Variants in SLC15A5 observed in about 807,000 individuals in gnomAD.
SLC15A5 encodes the protein solute carrier family 15 member 5.
Under a neutral mutation model 56.1 loss-of-function variants are expected in SLC15A5, and 58 were observed. The ratio of observed to expected loss-of-function variants is 1.03; its 90% CI spans 0.84 to 1.29. SLC15A5 has a LOEUF of 1.29. SLC15A5 is among the 50% of genes most tolerant of loss of function. SLC15A5 has a pLI of 0.00. For missense variants in SLC15A5, 681 were observed against 672.1 expected, an observed-to-expected ratio of 1.01 and a Z score of -0.15; for synonymous variants, 264 against 250.5, an observed-to-expected ratio of 1.05 and a Z score of -0.51.
chr12:16,275,739 C>A lies in SLC15A5; in HGVS notation c.361+1586G>T, dbSNP rs113310871. ...ACTTAAGTCTTTTGTTTGCCAGATT[C>A]CAAAGTTGGGATTTCCATCCTGTCT... On this transcript the variant is annotated intron_variant, in intron 1 of 8. Coordinates refer to ENST00000344941, the MANE Select transcript of SLC15A5 (RefSeq NM_001170798.1). Among the ~76,000 whole-genome samples the A allele has an allele frequency of 6.7e-3, 1,017 of 152,038 alleles. 15 individuals are homozygous for A. The highest frequency in any genetic ancestry group is 0.024 in the African/African-American group (976 of 41,496).
rs1864434372 is a variant in SLC15A5, at chr12:16,243,604, TG to T, written c.975+975del. Among the ~76,000 whole-genome samples the T allele has an allele frequency of 6.6e-6, 1 of 152,170 alleles. No individual in the cohort carries two copies. Among genetic ancestry groups the T allele is most frequent in the African/African-American group, 2.4e-5 (1 of 41,434 alleles). On this transcript the variant is annotated intron_variant, in intron 4 of 8. Coordinates refer to ENST00000344941, the MANE Select transcript of SLC15A5 (RefSeq NM_001170798.1). The surrounding 1 kb of genome is among the most constrained non-coding windows in gnomAD (Gnocchi z 4.4). ...GTAAAAATCTTCTTAGCTTACAGGA[TG>T]TACAAAAATAGTGGACTGGATTTGG...
Position 16,243,500 on chromosome 12 carries a change from C to T in SLC15A5, c.975+1080G>A, listed in dbSNP as rs868145171. Among the ~76,000 whole-genome samples, 18 of 152,150 alleles carry T rather than the reference C, an allele frequency of 1.2e-4. No individual in the cohort carries two copies. Among genetic ancestry groups the T allele is most frequent in the South Asian group, 4.1e-4 (2 of 4,822 alleles). On this transcript the variant is annotated intron_variant, in intron 4 of 8. Transcript: ENST00000344941. This position sits in a 1 kb window ranked among gnomAD's most constrained non-coding sequence, Gnocchi z 4.4. ...CTGGGATTACAGGTGTAAGCCACCA[C>T]GCTGGGCTAAATTTTATATAATTTT...
intron 7 of SLC15A5, among the ~76,000 whole-genome samples, chr12:16,202,534 C>T (rs1863967980): frequency 6.6e-6 from 1 of 152,062 alleles, no homozygotes; most frequent in African/African-American, 2.4e-5. Flanking sequence ...AGCAGTATGG[C>T]GGTACCTCAG....
At chr12:16,256,054 TA>T (rs1455638824) in intron 3 of SLC15A5, among the ~76,000 whole-genome samples, 2 of 152,132 alleles carry the variant, frequency 1.3e-5, no homozygotes, top group African/African-American at 4.8e-5. Context: ...TTAAAATACA[TA>T]AAAAATGCTT....
In SLC15A5 at chr12:16,244,658, A is replaced by G. The variant is rs916133382; in HGVS notation, c.897T>C (p.His299=). 6.4e-5 allele frequency: 98 copies of G among 1,537,490 alleles called. No individual in the cohort carries two copies. Among genetic ancestry groups the G allele is most frequent in the Middle Eastern group, 1.7e-4 (1 of 6,014 alleles). ...EKNGGCYSEL[H]VEDTTFFLTL... is the part of the protein sequence containing the mutation. ...TGAGGAAAAATGTTGTGTCTTCTAC[A>G]TGGAGCTCACTGTAGCAGCCACCAT... Residue 299 remains histidine (H), a synonymous_variant, in exon 4 of 9, where the codon CAT becomes CAC. Transcript: ENST00000344941.
At chr12:16,217,481 TATTAA>T (rs1179100352) in intron 6 of SLC15A5, among the ~76,000 whole-genome samples, 1 of 152,170 alleles carries the variant, frequency 6.6e-6, no homozygotes, top group East Asian at 1.9e-4. Context: ...GACAAGATAG[TATTAA>T]AATACCATGT....
intron 5 of SLC15A5, among the ~76,000 whole-genome samples, chr12:16,231,618 T>C (rs1054003398): frequency 6.6e-6 from 1 of 152,160 alleles, no homozygotes. Context: ...AACAGTGAAA[T>C]TGTCAAGTCT....
At chr12:16,212,955 A>T (rs1267923790) in intron 7 of SLC15A5, among the ~76,000 whole-genome samples, 1 of 152,188 alleles carries the variant, frequency 6.6e-6, no homozygotes, top group African/African-American at 2.4e-5. Context: ...AAATTAAAAA[A>T]AGTTTCAAAT....
rs1421847207 is a variant in SLC15A5 at position 16,267,212 on chromosome 12, G to A, written c.584+5349C>T. ...ATTAGTGTACCATTTAAATATTCCA[G>A]AGAAAGTATTTTATTCGACATTGAT... On this transcript the variant is annotated intron_variant, in intron 2 of 8. Transcript: ENST00000344941. Among the ~76,000 whole-genome samples the A allele has an allele frequency of 6.3e-5, 3 of 47,766 alleles. 1 individual carries two copies. Among genetic ancestry groups the A allele is most frequent in the African/African-American group, 2.6e-4 (3 of 11,550 alleles). 31.3% of individuals were successfully genotyped at this position (47,766 alleles called of 152,430 possible). A position where few individuals can be genotyped will look rare whatever the true frequency, so the allele number is the denominator to read the frequency against.
intron 7 of SLC15A5, among the ~76,000 whole-genome samples, chr12:16,200,685 G>A (rs1863946552): frequency 6.6e-6 from 1 of 151,990 alleles, no homozygotes; most frequent in African/African-American, 2.4e-5. Flanking sequence ...CAATATCAAA[G>A]TATTTAGAAA....
intron 3 of SLC15A5, among the ~76,000 whole-genome samples, chr12:16,246,591 A>G (rs1864463740): frequency 6.6e-6 from 1 of 152,124 alleles, no homozygotes; most frequent in Admixed American, 6.6e-5. Context: ...ATCCAAATTA[A>G]CTTTATGCTT....
rs535865516 is a variant in SLC15A5 at position 16,243,104 on chromosome 12, G to A, written c.975+1476C>T. ...AATTACTCAACTCTGCTATTTTTGT[G>A]CATAAGCAGACATAGATACGACAAA... is the stretch of plus-strand genomic sequence containing the variant. On this transcript the variant is annotated intron_variant, in intron 4 of 8. Transcript: ENST00000344941. This position sits in a 1 kb window ranked among gnomAD's most constrained non-coding sequence, Gnocchi z 4.4. Among the ~76,000 whole-genome samples the A allele has an allele frequency of 2.0e-5, 3 of 152,180 alleles. No individual in the cohort carries two copies. The highest frequency in any genetic ancestry group is 4.1e-4 in the South Asian group (2 of 4,830).
chr12:16,224,948 A>G (rs868282252), intron 5 of SLC15A5, among the ~76,000 whole-genome samples: 9 of 138,250 alleles, frequency 6.5e-5, no homozygotes, highest in Non-Finnish European at 1.2e-4. Context: ...TCATTGTTCA[A>G]TTCCCACCTA....
chr12:16,238,399 G>A lies in SLC15A5; in HGVS notation c.1162+1282C>T, dbSNP rs371592826. On this transcript the variant is annotated intron_variant, in intron 5 of 8. Transcript: ENST00000344941. ...TCCCAGCACTTTGGGAGGCCGAGGCGGGCGGATCACGAGGTCAGGAGATTG... is the reference window on the plus strand; with the variant it reads ...TCCCAGCACTTTGGGAGGCCGAGGCAGGCGGATCACGAGGTCAGGAGATTG... Among the ~76,000 whole-genome samples, 39 of 152,030 alleles carry A rather than the reference G, an allele frequency of 2.6e-4. No individual in the cohort carries two copies. The East Asian group carries it at 4.3e-3, about 17-fold the overall frequency.
chr12:16,211,891 T>C (rs1229592292), intron 7 of SLC15A5, among the ~76,000 whole-genome samples: 1 of 152,182 alleles, frequency 6.6e-6, no homozygotes, highest in East Asian at 1.9e-4. Flanking sequence ...ATCTTTTGAA[T>C]TTACCGCATT....
At chr12:16,272,429 T>C in intron 2 of SLC15A5, 132 bp downstream of exon 2, 1 of 835,420 alleles carries the variant, frequency 1.2e-6, no homozygotes, top group South Asian at 1.7e-5. Context: ...TGAATCATCA[T>C]CACAGATTCA....
chr12:16,240,149 T>G (rs1452425389), intron 4 of SLC15A5, among the ~76,000 whole-genome samples: 2 of 152,236 alleles, frequency 1.3e-5, no homozygotes, highest in Non-Finnish European at 2.9e-5. Flanking sequence ...GCCCCAATTT[T>G]GTGCTTAAGA....
intron 1 of SLC15A5, among the ~76,000 whole-genome samples, chr12:16,275,402 A>G (rs574268105): frequency 2.6e-5 from 4 of 152,154 alleles, no homozygotes; most frequent in African/African-American, 7.2e-5. Context: ...TGCTAAATTA[A>G]TAAGTTTGGA....
chr12:16,193,092 A>G (rs1297057177), intron 8 of SLC15A5, among the ~76,000 whole-genome samples: 1 of 152,048 alleles, frequency 6.6e-6, no homozygotes, highest in Non-Finnish European at 1.5e-5. Context: ...AGCACCACTT[A>G]TGTGTCTGGA....
Sources: allele counts gnomAD v4.1 joint callset (sites outside exome capture counted in the v4.1 genomes callset), GRCh38; gene constraint gnomAD v4.1.1; non-coding constraint Gnocchi (gnomAD v3.1); transcripts MANE v1.5; gene names NCBI Gene and HGNC (gene_info 2026-07-23, HGNC 2026-07-21).